MAML2: variants seen among roughly 807,000 people sequenced by gnomAD.
MAML2 encodes the protein mastermind-like protein 2.
Under a neutral mutation model 96.1 loss-of-function variants are expected in MAML2, and 22 were observed. That is an observed-to-expected ratio of 0.23 (90% CI 0.16 to 0.33). The LOEUF (loss-of-function observed/expected upper bound fraction) is 0.33. MAML2 is among the 10% of genes least tolerant of loss of function. MAML2 has a pLI of 1.00. For synonymous variants in MAML2, 561 were observed against 521.3 expected, an observed-to-expected ratio of 1.08 and a Z score of -1.04; for missense variants, 1,367 against 1,392.4, an observed-to-expected ratio of 0.98 and a Z score of 0.29.
intron 1 of MAML2, among the ~76,000 whole-genome samples, chr11:96,149,917 T>C (rs992701630): frequency 6.6e-6 from 1 of 152,140 alleles, no homozygotes; most frequent in African/African-American, 2.4e-5. Flanking sequence ...TCTGTCTTTA[T>C]TTGATCCACC....
At chr11:96,313,388 C>T (rs1449002923) in intron 1 of MAML2, among the ~76,000 whole-genome samples, 1 of 152,194 alleles carries the variant, frequency 6.6e-6, no homozygotes, top group Non-Finnish European at 1.5e-5. Flanking sequence ...CTGAGGCTCA[C>T]TGGAATTTCG....
chr11:96,148,332 G>A (rs1273315624), intron 1 of MAML2, among the ~76,000 whole-genome samples: 1 of 152,044 alleles, frequency 6.6e-6, no homozygotes, highest in African/African-American at 2.4e-5. Context: ...GATTTTGTCA[G>A]GCATGCAGCT....
chr11:96,051,380 A>C (rs919414778), intron 2 of MAML2, among the ~76,000 whole-genome samples: 1 of 152,164 alleles, frequency 6.6e-6, no homozygotes, highest in Non-Finnish European at 1.5e-5. Context: ...CTTTACATTT[A>C]ATCTTTAGTT....
chr11:96,209,506 C>T (rs547178037), intron 1 of MAML2, among the ~76,000 whole-genome samples: 10 of 152,062 alleles, frequency 6.6e-5, no homozygotes, highest in African/African-American at 1.2e-4. Context: ...ACCTGGGAGA[C>T]GGAGGTTGCA....
intron 2 of MAML2, among the ~76,000 whole-genome samples, chr11:96,022,974 TA>T (rs1050039790): frequency 2.6e-5 from 4 of 152,082 alleles, no homozygotes; most frequent in African/African-American, 7.2e-5. Flanking sequence ...TGTCACATTA[TA>T]AAAAAATGAC....
intron 2 of MAML2, among the ~76,000 whole-genome samples, chr11:96,058,376 G>A (rs1859102507): frequency 6.6e-6 from 1 of 152,220 alleles, no homozygotes; most frequent in South Asian, 2.1e-4. Context: ...CTGGAGTGCA[G>A]TGGCCCGATC....
intron 1 of MAML2, among the ~76,000 whole-genome samples, chr11:96,339,905 A>G (rs1179971030): frequency 6.6e-6 from 1 of 152,208 alleles, no homozygotes; most frequent in Non-Finnish European, 1.5e-5. Flanking sequence ...TAGAAAAAGG[A>G]TATTAGGCTT....
At chr11:96,120,143 G>A (rs1390507170) in intron 1 of MAML2, among the ~76,000 whole-genome samples, 3 of 152,072 alleles carry the variant, frequency 2.0e-5, no homozygotes, top group Non-Finnish European at 4.4e-5. Flanking sequence ...ATTTTTAGTA[G>A]AGACAGGGTT....
chr11:96,061,302 A>T (rs551963742), intron 2 of MAML2, among the ~76,000 whole-genome samples: 5 of 152,302 alleles, frequency 3.3e-5, no homozygotes, highest in East Asian at 1.9e-4. Flanking sequence ...GCTTTTCTGG[A>T]TGCAGAGATG....
intron 1 of MAML2, among the ~76,000 whole-genome samples, chr11:96,165,821 A>C (rs184116376): frequency 6.6e-6 from 1 of 152,246 alleles, no homozygotes; most frequent in Non-Finnish European, 1.5e-5. Context: ...AAAGAGAAAA[A>C]CAGTATCACA....
At chr11:96,015,081 G>C (rs1169570228) in intron 2 of MAML2, among the ~76,000 whole-genome samples, 1 of 152,124 alleles carries the variant, frequency 6.6e-6, no homozygotes, top group Non-Finnish European at 1.5e-5. Flanking sequence ...ACTTCATCTA[G>C]TTAGTCAGTG....
intron 1 of MAML2, among the ~76,000 whole-genome samples, chr11:96,251,541 A>G (rs777160788): frequency 6.6e-6 from 1 of 152,198 alleles, no homozygotes; most frequent in South Asian, 2.1e-4. Context: ...AGTAGTAAGT[A>G]GGATTACTAA....
intron 1 of MAML2, among the ~76,000 whole-genome samples, chr11:96,233,856 A>G (rs1862330352): frequency 6.6e-6 from 1 of 152,208 alleles, no homozygotes; most frequent in Non-Finnish European, 1.5e-5. Context: ...GTGAATGAAG[A>G]AGAACAAGAG....
intron 1 of MAML2, among the ~76,000 whole-genome samples, chr11:96,180,739 T>C (rs949315735): frequency 6.6e-6 from 1 of 152,164 alleles, no homozygotes; most frequent in Non-Finnish European, 1.5e-5. Context: ...AACTGGTACC[T>C]TCATGTGTGT....
chr11:96,193,516 C>T (rs1015283394), intron 1 of MAML2, among the ~76,000 whole-genome samples: 1 of 152,116 alleles, frequency 6.6e-6, no homozygotes, highest in South Asian at 2.1e-4. Flanking sequence ...TTTTAGTGAG[C>T]TATCCTATCT....
At chr11:96,275,426 C>T (rs917866399) in intron 1 of MAML2, among the ~76,000 whole-genome samples, 13 of 151,810 alleles carry the variant, frequency 8.6e-5, no homozygotes, top group Admixed American at 5.9e-4. Context: ...TATAGGCACC[C>T]GCCACTACGC....
intron 1 of MAML2, among the ~76,000 whole-genome samples, chr11:96,287,007 T>A (rs1229030822): frequency 6.6e-6 from 1 of 152,190 alleles, no homozygotes; most frequent in Non-Finnish European, 1.5e-5. Flanking sequence ...AGCAGCCTGA[T>A]GCGCTGCTCT....
intron 1 of MAML2, among the ~76,000 whole-genome samples, chr11:96,278,476 A>G (rs1279089556): frequency 1.3e-5 from 2 of 152,218 alleles, no homozygotes; most frequent in African/African-American, 2.4e-5. Context: ...CAAACCAGAC[A>G]TTGGAGTTCA....
At chr11:96,195,986 A>G (rs1456403059) in intron 1 of MAML2, among the ~76,000 whole-genome samples, 1 of 152,216 alleles carries the variant, frequency 6.6e-6, no homozygotes, top group Non-Finnish European at 1.5e-5. Context: ...CTGTTATTGT[A>G]TATGTCAAGA....
Sources: allele counts gnomAD v4.1 joint callset (sites outside exome capture counted in the v4.1 genomes callset), GRCh38; gene constraint gnomAD v4.1.1; transcripts MANE v1.5; gene names NCBI Gene and HGNC (gene_info 2026-07-23, HGNC 2026-07-21).